Variants in ULK4 observed in about 807,000 individuals in gnomAD.
ULK4 encodes the protein unc-51 like kinase 4.
ULK4 carries 133 observed loss-of-function variants against 160.6 expected under a neutral mutation model. The ratio of observed to expected loss-of-function variants is 0.83; its 90% CI spans 0.72 to 0.96. The LOEUF is 0.96. Ranked by LOEUF, ULK4 falls within the 40% of genes least tolerant of loss-of-function variation. ULK4 has a pLI of 0.00. For missense variants in ULK4, 1,580 were observed against 1,499.5 expected (o/e 1.05, Z -0.89); for synonymous variants, 534 against 539.8 (o/e 0.99, Z 0.15).
intron 8 of ULK4, among the ~76,000 whole-genome samples, chr3:41,914,475 G>A (rs1229761233): frequency 6.6e-6 from 1 of 152,202 alleles, no homozygotes; most frequent in Non-Finnish European, 1.5e-5. Context: ...TGCTGGGAGT[G>A]TAAATCAGCA....
At chr3:41,767,247 T>C (rs1559537382) in intron 21 of ULK4, among the ~76,000 whole-genome samples, 1 of 152,168 alleles carries the variant, frequency 6.6e-6, no homozygotes, top group East Asian at 1.9e-4. Context: ...TCATGTAAGT[T>C]ACAAAAACTC....
chr3:41,931,819 C>T (rs769627440), intron 5 of ULK4, 25 bp downstream of exon 5: 2 of 1,613,158 alleles, frequency 1.2e-6, no homozygotes, highest in East Asian at 4.5e-5. Flanking sequence ...GAGTTATGAT[C>T]TTTAAGCTTT....
intron 35 of ULK4, among the ~76,000 whole-genome samples, chr3:41,350,041 G>C (rs2080878548): frequency 6.6e-6 from 1 of 152,134 alleles, no homozygotes; most frequent in African/African-American, 2.4e-5. Context: ...TTAATACTAT[G>C]ATAAATGTGA....
intron 17 of ULK4, among the ~76,000 whole-genome samples, chr3:41,858,386 G>C (rs955874359): frequency 6.6e-6 from 1 of 151,256 alleles, no homozygotes; most frequent in Non-Finnish European, 1.5e-5. Context: ...TCCTGTCCTC[G>C]AGTGATCCAC....
chr3:41,353,539 A>C (rs1001154333), intron 35 of ULK4, among the ~76,000 whole-genome samples: 2 of 152,010 alleles, frequency 1.3e-5, no homozygotes, highest in Non-Finnish European at 2.9e-5. Context: ...GTGGTAGCTC[A>C]TGACTGTAGT....
At chr3:41,795,734 T>C (rs925228884) in intron 20 of ULK4, among the ~76,000 whole-genome samples, 1 of 152,184 alleles carries the variant, frequency 6.6e-6, no homozygotes, top group African/African-American at 2.4e-5. Flanking sequence ...AGAAGAGATA[T>C]GATTTTATGA....
intron 35 of ULK4, among the ~76,000 whole-genome samples, chr3:41,342,982 G>GA: frequency 6.6e-6 from 1 of 152,120 alleles, no homozygotes; most frequent in Non-Finnish European, 1.5e-5. Context: ...ATCCCTTCAT[G>GA]TTAAAAACTC....
intron 5 of ULK4, among the ~76,000 whole-genome samples, chr3:41,931,355 T>C (rs1336610107): frequency 1.3e-5 from 2 of 150,610 alleles, no homozygotes; most frequent in African/African-American, 4.9e-5. Flanking sequence ...AAAGGAGGGA[T>C]AGCATTGGGA....
chr3:41,576,638 T>C (rs749093239), intron 31 of ULK4, among the ~76,000 whole-genome samples: 6 of 152,222 alleles, frequency 3.9e-5, no homozygotes, highest in Non-Finnish European at 7.3e-5. Flanking sequence ...TAAAATTTGC[T>C]ATGTAATGGT....
chr3:41,538,523 T>C (rs1025795615), intron 32 of ULK4, among the ~76,000 whole-genome samples: 5 of 152,158 alleles, frequency 3.3e-5, no homozygotes, highest in Admixed American at 1.3e-4. Flanking sequence ...TGGCATTTCA[T>C]ATGGGTCCCA....
At chr3:41,721,307 G>T (rs1293590365) in intron 22 of ULK4, among the ~76,000 whole-genome samples, 4 of 57,568 alleles carry the variant, frequency 6.9e-5, no homozygotes, top group Non-Finnish European at 1.2e-4. Flanking sequence ...ATGAGTATGT[G>T]TTACCTACTC....
chr3:41,840,124 T>C (rs2041867090), intron 17 of ULK4, among the ~76,000 whole-genome samples: 1 of 152,084 alleles, frequency 6.6e-6, no homozygotes, highest in Non-Finnish European at 1.5e-5. Flanking sequence ...GCCAAAACAA[T>C]TTTGAAAAAG....
intron 18 of ULK4, 91 bp from the exon 19 acceptor site, chr3:41,819,597 A>G: frequency 1.0e-6 from 1 of 1,001,864 alleles, no homozygotes; most frequent in East Asian, 2.4e-5. Context: ...CCAAGTATAC[A>G]AACTATCTAA....
At chr3:41,565,525 T>G (rs551233679) in intron 32 of ULK4, among the ~76,000 whole-genome samples, 48 of 152,258 alleles carry the variant, frequency 3.2e-4, no homozygotes, top group African/African-American at 1.1e-3. Context: ...AGTCACTTCA[T>G]AAGAGGAGGA....
chr3:41,463,342 T>C (rs2083742459), intron 32 of ULK4, 89 bp from the exon 33 acceptor site: 5 of 1,325,086 alleles, frequency 3.8e-6, no homozygotes, highest in Non-Finnish European at 5.2e-6. Flanking sequence ...TCTGGCTCTA[T>C]GTTGCATAAA....
chr3:41,621,925 C>A (rs1460140933), intron 30 of ULK4, among the ~76,000 whole-genome samples: 1 of 152,014 alleles, frequency 6.6e-6, no homozygotes, highest in Non-Finnish European at 1.5e-5. Context: ...AAGAAAAAAA[C>A]AAACAACCCC....
Position 41,590,919 on chromosome 3 carries a change from G to A in ULK4, c.3120+24750C>T, listed in dbSNP as rs982877750. 2.0e-5 allele frequency among the ~76,000 whole-genome samples: 3 copies of A among 151,936 alleles called. No individual in the cohort carries two copies. The East Asian group carries it at 5.8e-4, about 29-fold the overall frequency. The stretch of plus-strand genomic sequence containing the variant: ...GGGAAAAAAAGCTTTTTGAAGAAAC[G>A]ATGGTTGAAGAATTTTTTATTTGAA... On this transcript the variant is annotated intron_variant, in intron 31 of 36. Coordinates refer to ENST00000301831, the MANE Select transcript of ULK4 (RefSeq NM_017886.4).
chr3:41,497,206 T>C (rs1559649987), intron 32 of ULK4, among the ~76,000 whole-genome samples: 1 of 151,984 alleles, frequency 6.6e-6, no homozygotes, highest in East Asian at 1.9e-4. Flanking sequence ...AATTTTGAAA[T>C]GAAAACATGT....
chr3:41,370,284 T>C (rs749185420), intron 35 of ULK4, among the ~76,000 whole-genome samples: 1 of 152,186 alleles, frequency 6.6e-6, no homozygotes, highest in Non-Finnish European at 1.5e-5. Context: ...CCATAATGTT[T>C]CTAGAAGTGT....
Sources: allele counts gnomAD v4.1 joint callset (sites outside exome capture counted in the v4.1 genomes callset), GRCh38; gene constraint gnomAD v4.1.1; transcripts MANE v1.5; gene names NCBI Gene and HGNC (gene_info 2026-07-23, HGNC 2026-07-21).